The following UNC5D variants were observed in gnomAD, a reference collection of about 807,000 sequenced individuals.
The protein encoded by UNC5D is netrin receptor UNC5D.
UNC5D carries 39 observed loss-of-function variants against 105.4 expected under a neutral mutation model. That is an observed-to-expected ratio of 0.37 (90% CI 0.29 to 0.48). The LOEUF (loss-of-function observed/expected upper bound fraction) is 0.48, where lower values mean the gene tolerates loss of function less well. Ranked by LOEUF, UNC5D falls within the 20% of genes least tolerant of loss-of-function variation. The pLI is 0.98. For synonymous variants in UNC5D, 452 were observed against 450.4 expected, an observed-to-expected ratio of 1.00 and a Z score of -0.04; for missense variants, 991 against 1,202.4, an observed-to-expected ratio of 0.82 and a Z score of 2.60.
chr8:35,780,793 C>T (rs1802469125), intron 16 of UNC5D, among the ~76,000 whole-genome samples: 1 of 152,128 alleles, frequency 6.6e-6, no homozygotes, highest in South Asian at 2.1e-4. Flanking sequence ...TGTGAGGCTG[C>T]CATTTCCAAA....
intron 1 of UNC5D, among the ~76,000 whole-genome samples, chr8:35,481,003 C>T (rs149337777): frequency 7.5e-4 from 114 of 152,194 alleles, no homozygotes; most frequent in African/African-American, 2.7e-3. Context: ...TAAACATCTG[C>T]AGTTTGTGAA....
At chr8:35,351,684 C>T (rs1011857258) in intron 1 of UNC5D, among the ~76,000 whole-genome samples, 2 of 152,106 alleles carry the variant, frequency 1.3e-5, no homozygotes, top group Admixed American at 6.6e-5. Flanking sequence ...TAATTTCACT[C>T]TCCCTAGCCT....
intron 1 of UNC5D, among the ~76,000 whole-genome samples, chr8:35,421,603 T>C (rs1359341131): frequency 6.6e-6 from 1 of 152,190 alleles, no homozygotes; most frequent in Non-Finnish European, 1.5e-5. Context: ...CAATTTTTTA[T>C]TGATTGCATT....
At chr8:35,482,326 T>G (rs1400719736) in intron 1 of UNC5D, among the ~76,000 whole-genome samples, 1 of 152,170 alleles carries the variant, frequency 6.6e-6, no homozygotes, top group Non-Finnish European at 1.5e-5. Context: ...TGCTAGGTAT[T>G]ACTATTGATA....
At chr8:35,304,879 T>G (rs1808222026) in intron 1 of UNC5D, among the ~76,000 whole-genome samples, 1 of 152,110 alleles carries the variant, frequency 6.6e-6, no homozygotes, top group Non-Finnish European at 1.5e-5. Context: ...AAATTACTTT[T>G]GCATGCTAGC....
chr8:35,248,156 A>G (rs1368269082), intron 1 of UNC5D, among the ~76,000 whole-genome samples: 97 of 39,448 alleles, frequency 2.5e-3, no homozygotes, highest in African/African-American at 0.014. Context: ...TATATAATAT[A>G]TAAATATATA....
chr8:35,306,308 T>G (rs1454906043), intron 1 of UNC5D, among the ~76,000 whole-genome samples: 5 of 152,030 alleles, frequency 3.3e-5, no homozygotes, highest in Non-Finnish European at 7.4e-5. Flanking sequence ...TCCACTGAGG[T>G]TTTTTTGTTT....
At chr8:35,279,568 T>C (rs1443797716) in intron 1 of UNC5D, among the ~76,000 whole-genome samples, 1 of 152,206 alleles carries the variant, frequency 6.6e-6, no homozygotes, top group Non-Finnish European at 1.5e-5. Flanking sequence ...AGATTCCAAA[T>C]GTAAAATGTG....
At chr8:35,499,087 T>G (rs1811805268) in intron 1 of UNC5D, among the ~76,000 whole-genome samples, 2 of 152,146 alleles carry the variant, frequency 1.3e-5, no homozygotes, top group African/African-American at 4.8e-5. Flanking sequence ...GCAAATCAAG[T>G]TGAGGGAAGA....
At chr8:35,659,124 GT>G (rs775378976) in intron 4 of UNC5D, among the ~76,000 whole-genome samples, 1 of 152,234 alleles carries the variant, frequency 6.6e-6, no homozygotes, top group Non-Finnish European at 1.5e-5. Flanking sequence ...CTTTGTTATA[GT>G]TTTTTTCCCC....
chr8:35,363,872 A>G (rs1006566660), intron 1 of UNC5D, among the ~76,000 whole-genome samples: 2 of 152,024 alleles, frequency 1.3e-5, no homozygotes, highest in African/African-American at 4.8e-5. Flanking sequence ...TTTTTTGCCA[A>G]ATGGTGACAT....
intron 1 of UNC5D, among the ~76,000 whole-genome samples, chr8:35,452,019 G>T (rs909851263): frequency 6.6e-6 from 1 of 152,134 alleles, no homozygotes; most frequent in African/African-American, 2.4e-5. Context: ...TTAAAAGCTT[G>T]TATGTGTTAC....
intron 4 of UNC5D, among the ~76,000 whole-genome samples, chr8:35,650,619 C>T (rs1043917276): frequency 6.6e-6 from 1 of 152,082 alleles, no homozygotes; most frequent in African/African-American, 2.4e-5. Context: ...AGGCATGTGC[C>T]ACCATGCCCA....
intron 4 of UNC5D, among the ~76,000 whole-genome samples, chr8:35,612,231 G>A (rs1820729876): frequency 6.6e-6 from 1 of 152,194 alleles, no homozygotes; most frequent in Non-Finnish European, 1.5e-5. Flanking sequence ...GAAAACTCGG[G>A]AAGGTCAAGG....
chr8:35,486,205 GC>G lies in UNC5D; in HGVS notation c.104-63085del, dbSNP rs766218251. On this transcript the variant is annotated intron_variant, in intron 1 of 16. Coordinates refer to ENST00000404895, the MANE Select transcript of UNC5D (RefSeq NM_080872.4). The stretch of plus-strand genomic sequence containing the variant: ...CTAATTAGCATGAGTAGATATAAAT[GC>G]CATTTTGGGGGGCTTTGTGAGGAAA... Among the ~76,000 whole-genome samples, 10 of 152,258 alleles carry G rather than the reference GC, an allele frequency of 6.6e-5. No individual in the cohort carries two copies. In the South Asian group the frequency reaches 2.1e-3, roughly 32 times the overall value.
At chr8:35,611,010 C>CAA (rs11314770) in intron 4 of UNC5D, among the ~76,000 whole-genome samples, 971 of 59,982 alleles carry the variant, frequency 0.016, 13 homozygotes, top group African/African-American at 0.044. Context: ...GACAAAGAAG[C>CAA]AAAAAAAAAA....
At chr8:35,697,993 C>T (rs1826908339) in intron 7 of UNC5D, among the ~76,000 whole-genome samples, 1 of 152,118 alleles carries the variant, frequency 6.6e-6, no homozygotes, top group Non-Finnish European at 1.5e-5. Context: ...TCCAAACCTC[C>T]CTACCTCCCT....
chr8:35,649,445 G>A (rs1026973667), intron 4 of UNC5D, among the ~76,000 whole-genome samples: 9 of 152,194 alleles, frequency 5.9e-5, no homozygotes, highest in African/African-American at 2.2e-4. Context: ...TCATACTGAA[G>A]ACCTTGAAGA....
chr8:35,457,705 A>C (rs1014259606), intron 1 of UNC5D, among the ~76,000 whole-genome samples: 8 of 152,094 alleles, frequency 5.3e-5, no homozygotes, highest in African/African-American at 1.9e-4. Context: ...GACTGAGGGA[A>C]GTTCTCTGCT....
Sources: gnomAD v4.1 joint callset for allele counts (sites outside exome capture counted in the v4.1 genomes callset) on GRCh38, gnomAD v4.1.1 for gene constraint, MANE v1.5 for transcripts, NCBI Gene and HGNC (gene_info 2026-07-23, HGNC 2026-07-21) for gene names.